The following BRAF variants were observed in gnomAD, a reference collection of about 807,000 sequenced individuals.
BRAF encodes serine/threonine-protein kinase B-raf.
A neutral mutation model predicts 104.6 loss-of-function variants in BRAF; 16 were observed. The observed-to-expected ratio is 0.15, with a 90% CI of 0.10 to 0.23. BRAF has a LOEUF of 0.23. BRAF is among the 10% of genes least tolerant of loss of function. The pLI is 1.00. For synonymous variants in BRAF, 310 were observed against 341.6 expected (o/e 0.91, Z 1.02); for missense variants, 541 against 937.3 (o/e 0.58, Z 5.52).
intron 5 of BRAF, among the ~76,000 whole-genome samples, chr7:140,806,440 A>G (rs2129047153): frequency 6.6e-6 from 1 of 152,330 alleles, no homozygotes; most frequent in African/African-American, 2.4e-5. Flanking sequence ...ATAAAAATTT[A>G]CTGGCAGGTA....
At chr7:140,884,294 A>G (rs2129106892) in intron 1 of BRAF, 1 of 152,112 alleles carries the variant, frequency 6.6e-6, no homozygotes, top group South Asian at 2.1e-4. Flanking sequence ...CCACACTCCT[A>G]ATTTCTAGAA....
chr7:140,907,545 G>A (rs1332410719), intron 1 of BRAF, among the ~76,000 whole-genome samples: 2 of 151,870 alleles, frequency 1.3e-5, no homozygotes, highest in Admixed American at 6.6e-5. Flanking sequence ...ACAGGCATAA[G>A]CCACCGTGCC....
intron 14 of BRAF, chr7:140,758,289 C>A (rs1398012714): frequency 6.6e-6 from 1 of 152,146 alleles, no homozygotes; most frequent in Non-Finnish European, 1.5e-5. Flanking sequence ...CTTATTACAA[C>A]CCTGGAAAGT....
In BRAF at chr7:140,755,560, T is replaced by C. The variant is rs189194980; in HGVS notation, c.1815-1327A>G. On this transcript the variant is annotated intron_variant, in intron 14 of 19. Transcript: ENST00000644969. The stretch of plus-strand genomic sequence containing the variant: ...AAAGTAATCCCTTCTCCAATTACTA[T>C]TCATATCACAGTTTATGTTCTTCAT... Among the ~76,000 whole-genome samples, 1,108 of 152,348 alleles carry C rather than the reference T, an allele frequency of 7.3e-3. 5 individuals carry two copies. Among genetic ancestry groups the C allele is most frequent in the Non-Finnish European group, 0.01 (700 of 68,040 alleles).
downstream of BRAF, among the ~76,000 whole-genome samples, chr7:140,716,720 T>TA (rs544210911): frequency 3.0e-4 from 46 of 152,254 alleles, 1 homozygote; most frequent in Non-Finnish European, 1.3e-4. Flanking sequence ...GTAACTTTGT[T>TA]AGTTTCCTAG....
intron 14 of BRAF, among the ~76,000 whole-genome samples, chr7:140,768,677 T>G (rs1424557884): frequency 6.6e-6 from 1 of 152,036 alleles, no homozygotes; most frequent in African/African-American, 2.4e-5. Flanking sequence ...AAAATTTTTT[T>G]GTAGAGATGA....
chr7:140,790,353 A>G (rs141404131), intron 8 of BRAF, among the ~76,000 whole-genome samples: 4 of 152,312 alleles, frequency 2.6e-5, no homozygotes, highest in African/African-American at 9.6e-5. Flanking sequence ...TCTAGGTTAC[A>G]AAGGTTCTTC....
rs1029997299 is a variant in BRAF, at chr7:140,908,999, T to C, written c.138+15567A>G. Among the ~76,000 whole-genome samples the C allele has an allele frequency of 2.9e-5, 4 of 135,606 alleles. No individual in the cohort carries two copies. In the East Asian group the frequency reaches 9.2e-4, roughly 31 times the overall value. 89.0% of individuals were successfully genotyped at this position (135,606 alleles called of 152,430 possible). A position where few individuals can be genotyped will look rare whatever the true frequency, so the allele number is the denominator to read the frequency against. On this transcript the variant is annotated intron_variant, in intron 1 of 19. Transcript: ENST00000644969. ...ACTGCTCTACGTTTTCTTTTTTTTT[T>C]TTTTTTTTTAATACTGTTTCCAAGA...
chr7:140,908,850 C>G (rs968496796), intron 1 of BRAF, among the ~76,000 whole-genome samples: 1 of 135,948 alleles, frequency 7.4e-6, no homozygotes, highest in African/African-American at 2.5e-5. Flanking sequence ...AAAACCAAAG[C>G]CCAACTTGTA....
intron 14 of BRAF, among the ~76,000 whole-genome samples, chr7:140,771,251 A>G (rs73165460): frequency 0.016 from 2,418 of 152,314 alleles, 25 homozygotes; most frequent in Non-Finnish European, 0.022. Flanking sequence ...GGCGGAGTGT[A>G]GTGGCACGAT....
intron 18 of BRAF, 25 bp from the exon 18 acceptor site, chr7:140,734,795 AAG>A (rs1491356909): frequency 1.1e-4 from 135 of 1,203,654 alleles, no homozygotes; most frequent in African/African-American, 5.1e-4. Context: ...AGAAAAAAAA[AAG>A]AAAAAAAAAG....
intron 2 of BRAF, among the ~76,000 whole-genome samples, chr7:140,836,929 A>G (rs1807402019): frequency 6.6e-6 from 1 of 152,220 alleles, no homozygotes; most frequent in Admixed American, 6.5e-5. Context: ...ACCTTAGGAA[A>G]AGTAATGAAA....
intron 14 of BRAF, among the ~76,000 whole-genome samples, chr7:140,760,066 A>T (rs1255570274): frequency 1.3e-5 from 2 of 152,196 alleles, no homozygotes; most frequent in Non-Finnish European, 2.9e-5. Context: ...TGGACTGAGA[A>T]TTTTACTGCT....
chr7:140,798,201 CAA>C (rs1802682180), intron 7 of BRAF, among the ~76,000 whole-genome samples: 1 of 150,818 alleles, frequency 6.6e-6, no homozygotes, highest in Admixed American at 6.6e-5. Context: ...TTAAAACTGA[CAA>C]TAAATATTTC....
intron 7 of BRAF, chr7:140,799,666 T>G (rs1802877635): frequency 4.3e-6 from 1 of 232,858 alleles, no homozygotes; most frequent in South Asian, 1.8e-4. Flanking sequence ...AATACCACCT[T>G]CTTCATTAAG....
intron 5 of BRAF, among the ~76,000 whole-genome samples, chr7:140,807,380 T>A (rs923856921): frequency 7.9e-5 from 12 of 152,140 alleles, no homozygotes; most frequent in African/African-American, 2.9e-4. Context: ...TTAAATATAA[T>A]GAATTCCTAT....
chr7:140,748,319 A>T (rs560706571), intron 17 of BRAF, among the ~76,000 whole-genome samples: 1 of 152,176 alleles, frequency 6.6e-6, no homozygotes, highest in South Asian at 2.1e-4. Flanking sequence ...ATACCTAAAA[A>T]GCCTGCACTG....
chr7:140,762,150 C>T lies in BRAF; in HGVS notation c.1815-7917G>A, dbSNP rs1411522230. Among the ~76,000 whole-genome samples the T allele has an allele frequency of 3.9e-5, 6 of 152,140 alleles. No individual in the cohort carries two copies. The East Asian group carries it at 9.6e-4, about 24-fold the overall frequency. Reference sequence around the variant, plus strand: ...CCACATACTTGGAAGTAAAGCTCTCCTCAGCAAATGTAAAAGAACAGAAAT... The same window carrying T: ...CCACATACTTGGAAGTAAAGCTCTCTTCAGCAAATGTAAAAGAACAGAAAT... On this transcript the variant is annotated intron_variant, in intron 14 of 19. Coordinates refer to ENST00000644969, the MANE Select transcript of BRAF (RefSeq NM_001374258.1).
chr7:140,832,743 T>C (rs1171470925), intron 3 of BRAF, among the ~76,000 whole-genome samples: 1 of 152,194 alleles, frequency 6.6e-6, no homozygotes, highest in Non-Finnish European at 1.5e-5. Flanking sequence ...CTAATAGTTA[T>C]TCATTTATCA....
Sources: gnomAD v4.1 joint callset for allele counts (sites outside exome capture counted in the v4.1 genomes callset) on GRCh38, gnomAD v4.1.1 for gene constraint, MANE v1.5 for transcripts, NCBI Gene and HGNC (gene_info 2026-07-23, HGNC 2026-07-21) for gene names.